Variants in FSIP1 observed in about 807,000 individuals in gnomAD.
FSIP1 encodes fibrous sheath interacting protein 1, also known as fibrous sheath-interacting protein 1.
A neutral mutation model predicts 60.9 loss-of-function variants in FSIP1; 65 were observed. That is an observed-to-expected ratio of 1.07 (90% CI 0.87 to 1.31). The LOEUF (loss-of-function observed/expected upper bound fraction) is 1.31, where lower values mean the gene tolerates loss of function less well. Among genes scored for constraint, FSIP1 ranks in the 40% most tolerant of loss-of-function variants. The pLI, the probability that FSIP1 is intolerant of heterozygous loss-of-function variation, is 0.00. For synonymous variants in FSIP1, 209 were observed against 221.2 expected, an observed-to-expected ratio of 0.94 and a Z score of 0.49; for missense variants, 675 against 665.5, an observed-to-expected ratio of 1.01 and a Z score of -0.16.
At chr15:39,687,047 G>A (rs1894399090) in intron 10 of FSIP1, among the ~76,000 whole-genome samples, 1 of 149,204 alleles carries the variant, frequency 6.7e-6, no homozygotes. Flanking sequence ...TCCAATCTGT[G>A]TCCTTCCCTG....
At chr15:39,631,275 C>T (rs1163222071) in intron 10 of FSIP1, among the ~76,000 whole-genome samples, 1 of 152,220 alleles carries the variant, frequency 6.6e-6, no homozygotes, top group African/African-American at 2.4e-5. Flanking sequence ...GGCCCAACTC[C>T]TCTTCTCTCC....
intron 10 of FSIP1, among the ~76,000 whole-genome samples, chr15:39,689,950 G>A (rs981256757): frequency 6.6e-6 from 1 of 152,200 alleles, no homozygotes; most frequent in African/African-American, 2.4e-5. Flanking sequence ...TAGGTAGAAG[G>A]TCAGTACCCA....
chr15:39,646,980 A>G (rs1270935933), intron 10 of FSIP1, among the ~76,000 whole-genome samples: 1 of 152,248 alleles, frequency 6.6e-6, no homozygotes, highest in Non-Finnish European at 1.5e-5. Flanking sequence ...AAAGAAAAAT[A>G]CTGCATTATT....
chr15:39,780,155 T>A (rs369036731), intron 1 of FSIP1, among the ~76,000 whole-genome samples: 1 of 152,210 alleles, frequency 6.6e-6, no homozygotes, highest in African/African-American at 2.4e-5. Context: ...CTATCTTTTA[T>A]ACCCATCGAC....
In FSIP1 at chr15:39,650,234, T is replaced by G. The variant is rs545301713; in HGVS notation, c.1189-31989A>C. Among the ~76,000 whole-genome samples the G allele has an allele frequency of 4.6e-5, 7 of 152,354 alleles. No homozygotes were observed. The South Asian group carries it at 1.5e-3, about 32-fold the overall frequency. ...GAATTCCTAAGAGGGTTATATAATA[T>G]TCAGAATTTCACAAAATTCCTTGGC... On this transcript the variant is annotated intron_variant, in intron 10 of 11. Coordinates refer to ENST00000350221, the MANE Select transcript of FSIP1 (RefSeq NM_152597.5).
intron 5 of FSIP1, among the ~76,000 whole-genome samples, chr15:39,753,702 G>T (rs542568584): frequency 1.1e-4 from 16 of 151,400 alleles, no homozygotes; most frequent in Non-Finnish European, 1.0e-4. Context: ...CTCAGCATAG[G>T]AATAATTGTT....
chr15:39,670,305 G>C (rs771508963), intron 10 of FSIP1, among the ~76,000 whole-genome samples: 1 of 152,194 alleles, frequency 6.6e-6, no homozygotes, highest in Admixed American at 6.5e-5. Flanking sequence ...GAGCTATTCC[G>C]ATAGTGGTTA....
intron 10 of FSIP1, among the ~76,000 whole-genome samples, chr15:39,630,283 G>A (rs1891827112): frequency 6.6e-6 from 1 of 152,230 alleles, no homozygotes; most frequent in African/African-American, 2.4e-5. Context: ...TCCAAATTAT[G>A]AAAGTTAAAT....
intron 8 of FSIP1, among the ~76,000 whole-genome samples, chr15:39,736,418 G>A (rs531390675): frequency 6.6e-5 from 10 of 152,148 alleles, no homozygotes; most frequent in Non-Finnish European, 1.5e-4. Flanking sequence ...TGGAAGGGAG[G>A]GATATTTTGT....
chr15:39,622,241 T>TATTCATAC (rs1566855985), intron 10 of FSIP1, among the ~76,000 whole-genome samples: 1 of 152,220 alleles, frequency 6.6e-6, no homozygotes, highest in Non-Finnish European at 1.5e-5. Context: ...AACAAGTTAT[T>TATTCATAC]ATTCATACTA....
intron 10 of FSIP1, among the ~76,000 whole-genome samples, chr15:39,630,848 C>T (rs954332831): frequency 6.6e-6 from 1 of 152,236 alleles, no homozygotes; most frequent in Non-Finnish European, 1.5e-5. Context: ...GCCCCCTCCA[C>T]ACTCTATCCG....
chr15:39,597,922 G>A (rs1038763084), downstream of FSIP1: 1 of 152,210 alleles, frequency 6.6e-6, no homozygotes, highest in African/African-American at 2.4e-5. Flanking sequence ...GGAAGTAAAT[G>A]TGGATGAGGG....
chr15:39,643,059 G>A (rs1316157842), intron 10 of FSIP1, among the ~76,000 whole-genome samples: 1 of 152,178 alleles, frequency 6.6e-6, no homozygotes, highest in African/African-American at 2.4e-5. Context: ...TGCCTTCAGA[G>A]AAAATCCTGT....
chr15:39,741,624 T>G (rs560547470), intron 6 of FSIP1, among the ~76,000 whole-genome samples, 181 bp downstream of exon 6: 1 of 152,256 alleles, frequency 6.6e-6, no homozygotes, highest in Admixed American at 6.5e-5. Context: ...CAAAGTAGAA[T>G]GGTATAACAA....
intron 11 of FSIP1, among the ~76,000 whole-genome samples, chr15:39,617,224 T>C (rs1891262699): frequency 6.6e-6 from 1 of 152,206 alleles, no homozygotes; most frequent in Non-Finnish European, 1.5e-5. Flanking sequence ...CTAGTTATTG[T>C]TGTATCCTGT....
intron 10 of FSIP1, among the ~76,000 whole-genome samples, chr15:39,673,592 G>A (rs182319710): frequency 3.3e-5 from 5 of 152,252 alleles, no homozygotes; most frequent in Admixed American, 1.3e-4. Context: ...CTGGGATTAC[G>A]AAGATGAGCC....
At chr15:39,757,431 G>A (rs779575493) in intron 5 of FSIP1, among the ~76,000 whole-genome samples, 4 of 152,012 alleles carry the variant, frequency 2.6e-5, no homozygotes, top group Non-Finnish European at 5.9e-5. Context: ...CATACTTGCA[G>A]TGAAAATATT....
chr15:39,607,080 T>C (rs1198418596), intron 11 of FSIP1, among the ~76,000 whole-genome samples: 1 of 152,118 alleles, frequency 6.6e-6, no homozygotes, highest in Non-Finnish European at 1.5e-5. Flanking sequence ...TGGCCTCACT[T>C]CACACCCTCC....
chr15:39,759,237 T>C (rs192236530), intron 5 of FSIP1, among the ~76,000 whole-genome samples: 1 of 152,082 alleles, frequency 6.6e-6, no homozygotes, highest in East Asian at 1.9e-4. Flanking sequence ...TGACAAATAA[T>C]TAATATCCTT....
Sources: gnomAD v4.1 joint callset for allele counts (sites outside exome capture counted in the v4.1 genomes callset) on GRCh38, gnomAD v4.1.1 for gene constraint, MANE v1.5 for transcripts, NCBI Gene and HGNC (gene_info 2026-07-23, HGNC 2026-07-21) for gene names.